The following EVI5 variants were observed in gnomAD, a reference collection of about 807,000 sequenced individuals.
EVI5 encodes ecotropic viral integration site 5.
In EVI5, 73 loss-of-function variants were observed where a neutral mutation model predicts 112.0. The ratio of observed to expected loss-of-function variants is 0.65; its 90% CI spans 0.54 to 0.79. The LOEUF (loss-of-function observed/expected upper bound fraction) is 0.79. Among genes scored for constraint, EVI5 ranks in the 30% least tolerant of loss-of-function variants. The pLI is 0.00. For missense variants in EVI5, 900 were observed against 968.8 expected, an observed-to-expected ratio of 0.93 and a Z score of 0.94; for synonymous variants, 305 against 319.9, an observed-to-expected ratio of 0.95 and a Z score of 0.50.
In EVI5 at chr1:92,785,010, A is replaced by AC. The variant is rs562699037; in HGVS notation, c.-257dup. Reference sequence around the variant, plus strand: ...CAGGGCCGCCTCGCGACCCTCACCTACCCCTCCCGGCACCGCCGCTGTCGG... The same window carrying AC: ...CAGGGCCGCCTCGCGACCCTCACCTACCCCCTCCCGGCACCGCCGCTGTCGG... On this transcript the variant is annotated 5_prime_UTR_variant, in exon 1 of 20. Coordinates refer to ENST00000684568, the MANE Select transcript of EVI5 (RefSeq NM_001350197.2). The AC allele has an allele frequency of 3.1e-6, 3 of 980,714 alleles. No individual in the cohort carries two copies. The highest frequency in any genetic ancestry group is 3.6e-6 in the Non-Finnish European group (3 of 828,616). The allele number at this position is 980,714 out of a possible 1,614,324, so 60.8% of individuals were successfully genotyped here.
At chr1:92,709,210 G>C (rs74101329) in intron 2 of EVI5, among the ~76,000 whole-genome samples, 32 of 152,182 alleles carry the variant, frequency 2.1e-4, no homozygotes, top group Admixed American at 2.1e-3. Context: ...AATTTTCTGA[G>C]ATGATGGACA....
At chr1:92,653,862 T>C (rs1395851855) in intron 13 of EVI5, among the ~76,000 whole-genome samples, 3 of 152,180 alleles carry the variant, frequency 2.0e-5, no homozygotes, top group African/African-American at 4.8e-5. Context: ...AGCCTGGAGA[T>C]AGACAGTGGT....
intron 2 of EVI5, among the ~76,000 whole-genome samples, chr1:92,731,784 TAAGTA>T (rs1358619007): frequency 1.3e-5 from 2 of 152,060 alleles, no homozygotes; most frequent in African/African-American, 4.8e-5. Context: ...CAAAAGTAAT[TAAGTA>T]AAGAAAGAAC....
chr1:92,614,222 T>C (rs1467810684), intron 16 of EVI5, among the ~76,000 whole-genome samples: 1 of 152,148 alleles, frequency 6.6e-6, no homozygotes, highest in Non-Finnish European at 1.5e-5. Context: ...AATGTGCCCA[T>C]TTCCAGGCAG....
chr1:92,587,716 C>T (rs1170652663), intron 18 of EVI5, among the ~76,000 whole-genome samples: 1 of 152,052 alleles, frequency 6.6e-6, no homozygotes, highest in Non-Finnish European at 1.5e-5. Flanking sequence ...GTTGGGCAAA[C>T]TAATCAAAAT....
upstream of EVI5, among the ~76,000 whole-genome samples, chr1:92,785,826 T>G (rs1685575463): frequency 6.6e-6 from 1 of 151,964 alleles, no homozygotes; most frequent in South Asian, 2.1e-4. Flanking sequence ...ACACCTGTAA[T>G]CCCAACACTT....
chr1:92,561,129 A>G (rs1668462498), intron 19 of EVI5, among the ~76,000 whole-genome samples: 1 of 152,190 alleles, frequency 6.6e-6, no homozygotes, highest in Non-Finnish European at 1.5e-5. Context: ...CCTTAGAGCC[A>G]AATCTGAGGC....
chr1:92,675,312 T>A (rs1323596264), intron 10 of EVI5, among the ~76,000 whole-genome samples: 2 of 152,068 alleles, frequency 1.3e-5, no homozygotes, highest in African/African-American at 4.8e-5. Context: ...GCCACTGAAC[T>A]CCAGCTTGAG....
intron 16 of EVI5, among the ~76,000 whole-genome samples, chr1:92,620,108 G>C (rs972613621): frequency 6.6e-6 from 1 of 152,162 alleles, no homozygotes; most frequent in Admixed American, 6.5e-5. Context: ...ACTTTGGGAG[G>C]CCGAGACGGG....
chr1:92,715,685 C>G (rs932970274), intron 2 of EVI5, among the ~76,000 whole-genome samples: 5 of 152,150 alleles, frequency 3.3e-5, no homozygotes, highest in African/African-American at 1.2e-4. Flanking sequence ...CACAAGGCTT[C>G]GGGGGATTTC....
chr1:92,669,652 A>C (rs999111385), intron 10 of EVI5, among the ~76,000 whole-genome samples: 1 of 151,168 alleles, frequency 6.6e-6, no homozygotes, highest in Non-Finnish European at 1.5e-5. Context: ...AAAGTTTTCC[A>C]GTGTTTGTTA....
rs1424247581 is a variant in EVI5 at position 92,756,577 on chromosome 1, G to A, written c.-81-19950C>T. The A allele has an allele frequency of 7.9e-6, 4 of 508,694 alleles. No individual in the cohort carries two copies. The Admixed American group carries it at 8.2e-5, about 10-fold the overall frequency. 31.5% of individuals were successfully genotyped at this position (508,694 alleles called of 1,614,324 possible). ...TGCTCATGATAATGATGTGAAAGAA[G>A]CAAAGAGAGGACAAGCAGGACCTCA... On this transcript the variant is annotated intron_variant, in intron 1 of 19. Coordinates refer to ENST00000684568, the MANE Select transcript of EVI5 (RefSeq NM_001350197.2).
chr1:92,789,250 TCTCA>T (rs1685904999), upstream of EVI5, among the ~76,000 whole-genome samples: 1 of 152,156 alleles, frequency 6.6e-6, no homozygotes, highest in Non-Finnish European at 1.5e-5. Context: ...AAAGACTGGG[TCTCA>T]CTATGTTGCT....
chr1:92,779,509 C>T (rs985737730), intron 1 of EVI5, among the ~76,000 whole-genome samples: 12 of 149,960 alleles, frequency 8.0e-5, no homozygotes, highest in Admixed American at 6.0e-4. Context: ...GTGGCTGAGA[C>T]TCCGTCTCAA....
intron 19 of EVI5, among the ~76,000 whole-genome samples, chr1:92,562,072 T>C (rs1214631008): frequency 6.6e-6 from 1 of 152,212 alleles, no homozygotes; most frequent in African/African-American, 2.4e-5. Context: ...TTCCTTATAA[T>C]GAGACATCAA....
chr1:92,715,082 T>A (rs1235914679), intron 2 of EVI5, among the ~76,000 whole-genome samples: 1 of 152,122 alleles, frequency 6.6e-6, no homozygotes, highest in Non-Finnish European at 1.5e-5. Context: ...CTCGGCTCAC[T>A]GCAACCTCCG....
At chr1:92,663,121 T>C (rs1203325443) in intron 12 of EVI5, among the ~76,000 whole-genome samples, 1 of 152,220 alleles carries the variant, frequency 6.6e-6, no homozygotes, top group Non-Finnish European at 1.5e-5. Flanking sequence ...TATTACTGAG[T>C]TGTACATGCA....
At chr1:92,639,314 T>TA (rs891598360) in intron 13 of EVI5, among the ~76,000 whole-genome samples, 22 of 151,170 alleles carry the variant, frequency 1.5e-4, no homozygotes, top group East Asian at 3.9e-4. Context: ...GTCTTGAGCT[T>TA]AAAAAAAAAT....
chr1:92,570,057 GAAT>G (rs1670092471), intron 18 of EVI5, among the ~76,000 whole-genome samples: 1 of 151,730 alleles, frequency 6.6e-6, no homozygotes, highest in African/African-American at 2.4e-5. Flanking sequence ...ATCAAACAGA[GAAT>G]AAGAGAGTGA....
Sources: allele counts gnomAD v4.1 joint callset (sites outside exome capture counted in the v4.1 genomes callset), GRCh38; gene constraint gnomAD v4.1.1; transcripts MANE v1.5; gene names NCBI Gene and HGNC (gene_info 2026-07-23, HGNC 2026-07-21).